RNF212: variants seen among roughly 807,000 people sequenced by gnomAD.
RNF212 encodes the protein ring finger protein 212.
A neutral mutation model predicts 34.7 loss-of-function variants in RNF212; 33 were observed. That is an observed-to-expected ratio of 0.95 (90% CI 0.72 to 1.27). RNF212 has a LOEUF of 1.27. Ranked by LOEUF, RNF212 falls within the 50% of genes most tolerant of loss-of-function variation. RNF212 has a pLI of 0.00. For synonymous variants in RNF212, 140 were observed against 136.1 expected, an observed-to-expected ratio of 1.03 and a Z score of -0.20; for missense variants, 377 against 362.2, an observed-to-expected ratio of 1.04 and a Z score of -0.33.
intron 7 of RNF212, among the ~76,000 whole-genome samples, chr4:1,080,944 G>T (rs905325623): frequency 9.2e-5 from 14 of 152,262 alleles, no homozygotes; most frequent in African/African-American, 3.1e-4. Flanking sequence ...GCCTGGAGAT[G>T]GGGCAGACAC....
chr4:1,073,849 G>A, intron 8 of RNF212, 187 bp from the exon 9 acceptor site: 1 of 619,930 alleles, frequency 1.6e-6, no homozygotes, highest in East Asian at 2.7e-5. Flanking sequence ...GGTGGTAGAG[G>A]TGGTGTGGGT....
chr4:1,065,318 T>C (rs1718022075), intron 3 of RNF212, among the ~76,000 whole-genome samples: 1 of 152,218 alleles, frequency 6.6e-6, no homozygotes, highest in Admixed American at 6.5e-5. Flanking sequence ...TTAAAAATGA[T>C]TACAATAAAC....
At chr4:1,058,909 C>T (rs1226434461) in intron 3 of RNF212, among the ~76,000 whole-genome samples, 1 of 152,250 alleles carries the variant, frequency 6.6e-6, no homozygotes, top group Non-Finnish European at 1.5e-5. Context: ...AGCCTTGGCT[C>T]CTGCTACCCT....
chr4:1,078,194 C>A (rs968826058), intron 8 of RNF212, among the ~76,000 whole-genome samples: 5 of 152,316 alleles, frequency 3.3e-5, no homozygotes, highest in South Asian at 4.1e-4. Flanking sequence ...ACACATAAAT[C>A]AAATAAGCCA....
intron 8 of RNF212, among the ~76,000 whole-genome samples, chr4:1,078,797 G>A (rs894538512): frequency 7.0e-4 from 80 of 114,358 alleles, no homozygotes; most frequent in Middle Eastern, 7.9e-3. Flanking sequence ...ACACAGGACC[G>A]ACATGGGACC....
chr4:1,110,386 C>T (rs1725472518), intron 1 of RNF212, among the ~76,000 whole-genome samples: 1 of 152,096 alleles, frequency 6.6e-6, no homozygotes, highest in Admixed American at 6.5e-5. Flanking sequence ...CAGGCACTTC[C>T]TTTGTGCCTG....
chr4:1,094,348 A>T (rs1429720409), intron 3 of RNF212, among the ~76,000 whole-genome samples: 5 of 152,110 alleles, frequency 3.3e-5, no homozygotes, highest in African/African-American at 1.2e-4. Flanking sequence ...GGAGGCCAGA[A>T]GTGCCACTCA....
chr4:1,080,054 G>C (rs1385778738), intron 7 of RNF212, among the ~76,000 whole-genome samples: 1 of 152,216 alleles, frequency 6.6e-6, no homozygotes, highest in Non-Finnish European at 1.5e-5. Flanking sequence ...GACGTTCTGA[G>C]AGTGGGATCC....
intron 5 of RNF212, 25 bp from the exon 6 acceptor site, chr4:1,081,644 G>A: frequency 1.9e-6 from 3 of 1,554,874 alleles, no homozygotes; most frequent in Non-Finnish European, 2.7e-6. Context: ...AAAAGGTATT[G>A]AATTAAATCA....
chr4:1,104,635 T>G (rs1392642632), intron 2 of RNF212, among the ~76,000 whole-genome samples: 1 of 152,164 alleles, frequency 6.6e-6, no homozygotes, highest in African/African-American at 2.4e-5. Context: ...TCTGCCATTC[T>G]GGTCACTGGT....
In RNF212 at chr4:1,058,351, G is replaced by A. The variant is rs937929538; in HGVS notation, n.190C>T. On this transcript the variant is annotated non_coding_transcript_exon_variant, in exon 4 of 5. Coordinates refer to the RNF212 transcript ENST00000503206. ...AGGCTTTCCCATGCTCCTCTGACTCGTTGTCAGGCCGGGATGCTCGGGGCC... is the reference window on the plus strand; with the variant it reads ...AGGCTTTCCCATGCTCCTCTGACTCATTGTCAGGCCGGGATGCTCGGGGCC... The A allele has an allele frequency of 6.1e-6, 6 of 983,894 alleles. 1 individual carries two copies. The African/African-American group carries it at 7.1e-5, about 12-fold the overall frequency. 60.9% of individuals were successfully genotyped at this position (983,894 alleles called of 1,614,324 possible). A position where few individuals can be genotyped will look rare whatever the true frequency, so the allele number is the denominator to read the frequency against.
chr4:1,099,648 T>A (rs1723622362), intron 2 of RNF212: 1 of 432,810 alleles, frequency 2.3e-6, no homozygotes, highest in Admixed American at 2.5e-5. Context: ...CTTTTCGTAT[T>A]TAATTTTTAA....
At chr4:1,075,309 T>C (rs573984829) in intron 8 of RNF212, among the ~76,000 whole-genome samples, 1 of 152,314 alleles carries the variant, frequency 6.6e-6, no homozygotes, top group Admixed American at 6.5e-5. Flanking sequence ...TACCAGAGAC[T>C]GTGTAATTCA....
chr4:1,085,877 G>T lies in RNF212; in HGVS notation c.362+19C>A. 2 of 1,588,956 alleles carry T rather than the reference G, an allele frequency of 1.3e-6. No individual in the cohort carries two copies. Among genetic ancestry groups the T allele is most frequent in the Non-Finnish European group, 8.6e-7 (1 of 1,157,900 alleles). ...GTGGGTGCCTCGACTGCGCACTCAC[G>T]GGGGGTGGGGCGCCTTACCTTTGTA... On this transcript the variant is annotated intron_variant, in intron 5 of 9. Transcript: ENST00000433731.
intron 2 of RNF212, among the ~76,000 whole-genome samples, chr4:1,106,730 G>A (rs1466040392): frequency 6.6e-6 from 1 of 152,212 alleles, no homozygotes; most frequent in African/African-American, 2.4e-5. Context: ...AGGGCTTAGT[G>A]CGAGGGTACC....
chr4:1,097,276 G>A (rs1723205626), intron 2 of RNF212, among the ~76,000 whole-genome samples: 1 of 152,130 alleles, frequency 6.6e-6, no homozygotes, highest in Non-Finnish European at 1.5e-5. Context: ...AAAAGCAAAT[G>A]TAAGGACCTT....
At position 1,072,716 on chromosome 4, in the gene RNF212, A is replaced by C. The variant is rs1213698523; in HGVS notation, c.*158T>G. 2.1e-6 allele frequency: 3 copies of C among 1,401,132 alleles called. No homozygotes were observed. The highest frequency in any genetic ancestry group is 2.8e-6 in the Non-Finnish European group (3 of 1,075,916). 86.8% of individuals were successfully genotyped at this position (1,401,132 alleles called of 1,614,324 possible). ...TATTGTCTCTAAAATTCAAAGGTCA[A>C]ATATAAAATTACAAAGCAAATTGGG... is the stretch of plus-strand genomic sequence containing the variant. On this transcript the variant is annotated 3_prime_UTR_variant, in exon 10 of 10. Coordinates refer to ENST00000433731, the MANE Select transcript of RNF212 (RefSeq NM_001131034.4).
chr4:1,108,462 T>G, intron 1 of RNF212, 58 bp from the exon 2 acceptor site: 3 of 843,526 alleles, frequency 3.6e-6, no homozygotes, highest in Non-Finnish European at 5.3e-6. Context: ...TAAATATGTA[T>G]ACATGCAGAC....
intron 9 of RNF212, 22 bp from the exon 10 acceptor site, chr4:1,073,215 A>G (rs1048705766): frequency 6.2e-7 from 1 of 1,610,864 alleles, no homozygotes; most frequent in Non-Finnish European, 8.5e-7. Context: ...TGCAGGAGAC[A>G]GCGTGTGGGG....
Sources: allele counts gnomAD v4.1 joint callset (sites outside exome capture counted in the v4.1 genomes callset), GRCh38; gene constraint gnomAD v4.1.1; transcripts MANE v1.5; gene names NCBI Gene and HGNC (gene_info 2026-07-23, HGNC 2026-07-21).